The following FHOD3 variants were observed in gnomAD, a reference collection of about 807,000 sequenced individuals.
FHOD3 encodes formin homology 2 domain containing 3.
Under a neutral mutation model 173.0 loss-of-function variants are expected in FHOD3, and 90 were observed. That is an observed-to-expected ratio of 0.52 (90% CI 0.44 to 0.62). The LOEUF (loss-of-function observed/expected upper bound fraction) is 0.62. Among genes scored for constraint, FHOD3 ranks in the 20% least tolerant of loss-of-function variants. The probability of loss-of-function intolerance (pLI) is 0.00; values close to 1 mark genes in which losing one functional copy is unlikely to be tolerated. For synonymous variants in FHOD3, 828 were observed against 823.0 expected (o/e 1.01, Z -0.10); for missense variants, 1,945 against 2,034.7 (o/e 0.96, Z 0.85).
chr18:36,446,356 T>C (rs2051471815), intron 3 of FHOD3, among the ~76,000 whole-genome samples: 1 of 151,410 alleles, frequency 6.6e-6, no homozygotes, highest in Non-Finnish European at 1.5e-5. Flanking sequence ...GGCTTTTAAC[T>C]GCTTTAGATC....
At chr18:36,639,155 C>T (rs1476743304) in intron 10 of FHOD3, among the ~76,000 whole-genome samples, 5 of 152,192 alleles carry the variant, frequency 3.3e-5, no homozygotes, top group African/African-American at 1.2e-4. Flanking sequence ...TGCTTAGTTC[C>T]TGCTGTTTCC....
intron 1 of FHOD3, among the ~76,000 whole-genome samples, chr18:36,321,719 G>A (rs551955231): frequency 1.5e-4 from 23 of 152,260 alleles, no homozygotes; most frequent in African/African-American, 4.6e-4. Flanking sequence ...GCTTGGGAGC[G>A]GTGACCAGGG....
At chr18:36,421,173 A>G (rs1027109359) in intron 3 of FHOD3, among the ~76,000 whole-genome samples, 3 of 152,244 alleles carry the variant, frequency 2.0e-5, no homozygotes, top group South Asian at 2.1e-4. Flanking sequence ...GCTCCTGGGC[A>G]TGTTTCAAAA....
chr18:36,397,423 A>G (rs776152379), intron 3 of FHOD3, among the ~76,000 whole-genome samples: 1 of 152,142 alleles, frequency 6.6e-6, no homozygotes, highest in Non-Finnish European at 1.5e-5. Context: ...CATTTTATAA[A>G]TATTGCTTAT....
At chr18:36,670,082 G>T (rs2037432488) in intron 14 of FHOD3, among the ~76,000 whole-genome samples, 1 of 151,306 alleles carries the variant, frequency 6.6e-6, no homozygotes. Flanking sequence ...ACTTTACATT[G>T]TTTTTGATGA....
chr18:36,742,106 G>A (rs531587726), intron 21 of FHOD3, among the ~76,000 whole-genome samples: 17 of 152,290 alleles, frequency 1.1e-4, no homozygotes, highest in African/African-American at 4.1e-4. Flanking sequence ...TTGGGATATA[G>A]GCTGGGGGAG....
chr18:36,374,914 C>A (rs951080389), intron 3 of FHOD3, among the ~76,000 whole-genome samples: 1 of 152,152 alleles, frequency 6.6e-6, no homozygotes, highest in Non-Finnish European at 1.5e-5. Flanking sequence ...TTGCCTTAGG[C>A]CTGATTATGT....
chr18:36,490,198 G>A (rs767296715), intron 3 of FHOD3, among the ~76,000 whole-genome samples: 16 of 152,152 alleles, frequency 1.1e-4, no homozygotes, highest in Admixed American at 3.3e-4. Context: ...AGGGAAAATG[G>A]CAGGTTTGAA....
Position 36,755,272 on chromosome 18 carries a change from CAG to C in FHOD3, c.4394_4395del (p.Arg1465LysfsTer2). ...LQQKQKRANH[R>X]ERNKTRGKMI... ...AGCAGAAACAGAAACGGGCCAACCA[CAG>C]AGAGAGAAATAAGACCAGAGGGAAG... On this transcript the variant is annotated frameshift_variant, in exon 25 of 29. Transcript: ENST00000590592. LOFTEE classifies it high-confidence loss of function. 4 of 1,610,276 alleles carry C rather than the reference CAG, an allele frequency of 2.5e-6. No individual in the cohort carries two copies. The highest frequency in any genetic ancestry group is 3.4e-6 in the Non-Finnish European group (4 of 1,178,114).
At chr18:36,429,114 T>C (rs116401816) in intron 3 of FHOD3, among the ~76,000 whole-genome samples, 8 of 151,948 alleles carry the variant, frequency 5.3e-5, no homozygotes, top group Admixed American at 2.6e-4. Context: ...CAATGAGAAA[T>C]TGAGGATTGT....
At chr18:36,586,936 C>T (rs1599761405) in intron 6 of FHOD3, among the ~76,000 whole-genome samples, 2 of 152,080 alleles carry the variant, frequency 1.3e-5, no homozygotes, top group African/African-American at 4.8e-5. Context: ...GGGTCTTTCC[C>T]TGATTGGTGC....
At chr18:36,643,306 T>A (rs559809738) in intron 10 of FHOD3, among the ~76,000 whole-genome samples, 1 of 152,190 alleles carries the variant, frequency 6.6e-6, no homozygotes, top group East Asian at 1.9e-4. Context: ...TCGTGGGGGC[T>A]ATTCTGTGCA....
At chr18:36,366,702 C>T (rs1762809832) in intron 2 of FHOD3, among the ~76,000 whole-genome samples, 1 of 152,208 alleles carries the variant, frequency 6.6e-6, no homozygotes, top group Non-Finnish European at 1.5e-5. Context: ...TTAGCTAGCA[C>T]TGTCCTTTTA....
intron 3 of FHOD3, among the ~76,000 whole-genome samples, chr18:36,426,477 A>G (rs1420572046): frequency 6.6e-6 from 1 of 152,220 alleles, no homozygotes; most frequent in East Asian, 1.9e-4. Context: ...GAAAATCACC[A>G]TGAGATTGGT....
At chr18:36,303,275 CT>C (rs201185049) in intron 1 of FHOD3, among the ~76,000 whole-genome samples, 6 of 151,746 alleles carry the variant, frequency 4.0e-5, no homozygotes, top group South Asian at 4.2e-4. Context: ...TTAAGGTCAT[CT>C]TTTTTTTTCC....
chr18:36,732,376 T>C (rs2041408672), intron 20 of FHOD3, among the ~76,000 whole-genome samples: 2 of 152,214 alleles, frequency 1.3e-5, no homozygotes, highest in African/African-American at 4.8e-5. Flanking sequence ...CAAGTAGCTC[T>C]ACTCTGAGAA....
At chr18:36,640,080 A>T (rs1394460381) in intron 10 of FHOD3, among the ~76,000 whole-genome samples, 1 of 152,204 alleles carries the variant, frequency 6.6e-6, no homozygotes, top group African/African-American at 2.4e-5. Flanking sequence ...ATAATGGCTT[A>T]TGTATTAAGG....
chr18:36,545,683 C>A (rs988200025), intron 5 of FHOD3, among the ~76,000 whole-genome samples: 1 of 152,190 alleles, frequency 6.6e-6, no homozygotes, highest in African/African-American at 2.4e-5. Context: ...TGTGAAAACA[C>A]TGTTGCGAGA....
At chr18:36,757,540 C>A (rs1432869891) in intron 25 of FHOD3, among the ~76,000 whole-genome samples, 4 of 152,102 alleles carry the variant, frequency 2.6e-5, no homozygotes, top group Non-Finnish European at 5.9e-5. Context: ...AATCACGGAC[C>A]CCCTGAACGT....
Sources: allele counts gnomAD v4.1 joint callset (sites outside exome capture counted in the v4.1 genomes callset), GRCh38; gene constraint gnomAD v4.1.1; transcripts MANE v1.5; gene names NCBI Gene and HGNC (gene_info 2026-07-23, HGNC 2026-07-21).